SPECC1: variants seen among roughly 807,000 people sequenced by gnomAD.
SPECC1 encodes the protein sperm antigen with calponin homology and coiled-coil domains 1.
In SPECC1, 62 loss-of-function variants were observed where a neutral mutation model predicts 104.1. That is an observed-to-expected ratio of 0.60 (90% CI 0.49 to 0.74). The LOEUF (loss-of-function observed/expected upper bound fraction) is 0.74, where lower values mean the gene tolerates loss of function less well. SPECC1 is among the 30% of genes least tolerant of loss of function. SPECC1 has a pLI of 0.00. For missense variants in SPECC1, 1,306 were observed against 1,310.5 expected (o/e 1.00, Z 0.05); for synonymous variants, 513 against 501.6 (o/e 1.02, Z -0.30).
At position 20,315,225 on chromosome 17, in the gene SPECC1, C is replaced by T; in HGVS notation, c.*1160C>T. On this transcript the variant is annotated 3_prime_UTR_variant, in exon 15 of 15. Coordinates refer to ENST00000395527, the MANE Select transcript of SPECC1 (RefSeq NM_001243439.2). ...TGGACTGATTTGGCCTTTAGTGCTT[C>T]CCCAGGCCTCTTTCATCGGCATGGG... The T allele has an allele frequency of 4.3e-6, 1 of 232,758 alleles. No homozygotes were observed. Among genetic ancestry groups the T allele is most frequent in the Admixed American group, 5.6e-5 (1 of 17,792 alleles). The allele number at this position is 232,758 out of a possible 1,614,324, so 14.4% of individuals were successfully genotyped here.
At chr17:20,188,826 TGACCCATGGGTGCTTTGA>T (rs1006798471) in intron 3 of SPECC1, among the ~76,000 whole-genome samples, 21 of 152,322 alleles carry the variant, frequency 1.4e-4, no homozygotes, top group African/African-American at 4.6e-4. Context: ...TTGTGTGTTT[TGACCCATGGGTGCTTTGA>T]AAAAACAACT....
chr17:20,193,219 T>G (rs1420023334), intron 3 of SPECC1, among the ~76,000 whole-genome samples: 1 of 152,152 alleles, frequency 6.6e-6, no homozygotes, highest in Admixed American at 6.5e-5. Context: ...CCATCTTGGT[T>G]TTGGTAGGAT....
intron 3 of SPECC1, among the ~76,000 whole-genome samples, chr17:20,133,709 G>A (rs998933086): frequency 3.9e-5 from 6 of 152,160 alleles, no homozygotes; most frequent in African/African-American, 1.4e-4. Flanking sequence ...AAAGAAAATG[G>A]AAAATGGAAC....
chr17:20,123,785 C>T (rs186038616), intron 3 of SPECC1, among the ~76,000 whole-genome samples: 4 of 152,338 alleles, frequency 2.6e-5, no homozygotes, highest in Admixed American at 1.3e-4. Context: ...ATTCTTTGCT[C>T]ACTATGTGCT....
At chr17:20,180,721 AAT>A (rs1212117672) in intron 3 of SPECC1, among the ~76,000 whole-genome samples, 2 of 152,232 alleles carry the variant, frequency 1.3e-5, no homozygotes, top group Non-Finnish European at 2.9e-5. Flanking sequence ...AGCCAAACAA[AAT>A]ATATTTGTAG....
intron 1 of SPECC1, among the ~76,000 whole-genome samples, chr17:20,032,672 G>T (rs999288696): frequency 6.6e-6 from 1 of 151,778 alleles, no homozygotes; most frequent in African/African-American, 2.4e-5. Flanking sequence ...ATATTGTTAT[G>T]ATACTTTCCT....
At chr17:20,262,346 G>T (rs1027203190) in intron 12 of SPECC1, among the ~76,000 whole-genome samples, 1 of 152,170 alleles carries the variant, frequency 6.6e-6, no homozygotes, top group Non-Finnish European at 1.5e-5. Context: ...GGGCCATAGG[G>T]TATGCATACA....
chr17:20,093,008 A>G (rs2047471675), intron 1 of SPECC1, among the ~76,000 whole-genome samples: 1 of 152,220 alleles, frequency 6.6e-6, no homozygotes, highest in Non-Finnish European at 1.5e-5. Context: ...TGGCTCCAAG[A>G]TAAACTCTGA....
chr17:20,138,230 G>A (rs2030270916), intron 3 of SPECC1, among the ~76,000 whole-genome samples: 1 of 151,960 alleles, frequency 6.6e-6, no homozygotes, highest in Non-Finnish European at 1.5e-5. Context: ...CCAAAGTGCT[G>A]GGATTACAGG....
intron 12 of SPECC1, among the ~76,000 whole-genome samples, chr17:20,276,642 G>A (rs985921306): frequency 8.5e-5 from 13 of 152,152 alleles, no homozygotes; most frequent in African/African-American, 2.9e-4. Context: ...ACCTAGCAGC[G>A]TGGTAAGGTG....
chr17:20,318,295 C>T lies in SPECC1; in HGVS notation c.*4230C>T, dbSNP rs971399720. The T allele has an allele frequency of 8.6e-6, 2 of 232,444 alleles. No individual in the cohort carries two copies. The highest frequency in any genetic ancestry group is 6.0e-5 in the East Asian group (1 of 16,546). The allele number at this position is 232,444 out of a possible 1,614,324, so 14.4% of individuals were successfully genotyped here. A position where few individuals can be genotyped will look rare whatever the true frequency, so the allele number is the denominator to read the frequency against. ...TTGTCTGATGGTAACCCATGGCCCC[C>T]GCCCTGCGGGGATAACATTCTCAGG... On this transcript the variant is annotated 3_prime_UTR_variant, in exon 15 of 15. Transcript: ENST00000395527.
chr17:20,179,889 A>G (rs1482773670), intron 3 of SPECC1, among the ~76,000 whole-genome samples: 1 of 152,238 alleles, frequency 6.6e-6, no homozygotes, highest in Non-Finnish European at 1.5e-5. Flanking sequence ...AATTCTTGGA[A>G]GGATCGTACT....
chr17:20,021,729 G>A (rs1362574395), intron 1 of SPECC1, among the ~76,000 whole-genome samples: 2 of 145,474 alleles, frequency 1.4e-5, no homozygotes, highest in East Asian at 2.0e-4. Context: ...GTAGAGACCG[G>A]GTTTCACTGT....
At chr17:20,214,683 T>G (rs1356633294) in intron 4 of SPECC1, among the ~76,000 whole-genome samples, 1 of 152,162 alleles carries the variant, frequency 6.6e-6, no homozygotes, top group Non-Finnish European at 1.5e-5. Flanking sequence ...AACTTTCCTA[T>G]TTTTAGTAGA....
At chr17:20,010,779 C>T (rs557556325) in intron 1 of SPECC1, among the ~76,000 whole-genome samples, 1 of 152,284 alleles carries the variant, frequency 6.6e-6, no homozygotes, top group South Asian at 2.1e-4. Context: ...TTGTCTTGGG[C>T]TTGGTTTTAG....
chr17:20,236,931 GC>G, intron 7 of SPECC1: 1 of 1,613,148 alleles, frequency 6.2e-7, no homozygotes, highest in South Asian at 1.1e-5. Context: ...ATGATTGGGA[GC>G]CGCAGCCATC....
At chr17:20,284,710 G>A (rs2040883940) in intron 12 of SPECC1, among the ~76,000 whole-genome samples, 1 of 152,176 alleles carries the variant, frequency 6.6e-6, no homozygotes, top group African/African-American at 2.4e-5. Context: ...TCTGTGATCT[G>A]TAAACTGTTA....
Position 20,087,920 on chromosome 17 carries a change from G to A in SPECC1, c.-21-8711G>A, listed in dbSNP as rs1046271121. Reference sequence around the variant, plus strand: ...GACGCCTCCTAGAGGAAGCACCTTGGAGCAGAGACTGACCTAGGAGAAAGG... The same window carrying A: ...GACGCCTCCTAGAGGAAGCACCTTGAAGCAGAGACTGACCTAGGAGAAAGG... On this transcript the variant is annotated intron_variant, in intron 1 of 14. Coordinates refer to ENST00000395527, the MANE Select transcript of SPECC1 (RefSeq NM_001243439.2). Among the ~76,000 whole-genome samples the A allele has an allele frequency of 6.6e-5, 10 of 152,278 alleles. No individual in the cohort carries two copies. In the East Asian group the frequency reaches 1.9e-3, roughly 29 times the overall value.
Position 20,110,423 on chromosome 17 carries a change from T to C in SPECC1, c.148-4T>C. On this transcript the variant is annotated splice_polypyrimidine_tract_variant and splice_region_variant and intron_variant, in intron 2 of 14. Coordinates refer to ENST00000395527, the MANE Select transcript of SPECC1 (RefSeq NM_001243439.2). ...TCCTCTCTCTTTCCTTCCAACTCTC[T>C]CAGCTCAAGAGGGCCAGCAGTGAGG... 1 of 1,607,654 alleles carries C rather than the reference T, an allele frequency of 6.2e-7. No homozygotes were observed. The highest frequency in any genetic ancestry group is 8.5e-7 in the Non-Finnish European group (1 of 1,176,370).
Sources: gnomAD v4.1 joint callset for allele counts (sites outside exome capture counted in the v4.1 genomes callset) on GRCh38, gnomAD v4.1.1 for gene constraint, MANE v1.5 for transcripts, NCBI Gene and HGNC (gene_info 2026-07-23, HGNC 2026-07-21) for gene names.